Variants in MITF observed in about 807,000 individuals in gnomAD.
MITF encodes melanocyte inducing transcription factor.
MITF carries 17 observed loss-of-function variants against 60.5 expected under a neutral mutation model. That is an observed-to-expected ratio of 0.28 (90% confidence interval 0.19 to 0.42). The LOEUF is 0.42. Ranked by LOEUF, MITF falls within the 10% of genes least tolerant of loss-of-function variation. MITF has a pLI of 1.00. For synonymous variants in MITF, 260 were observed against 248.5 expected (o/e 1.05, Z -0.43); for missense variants, 622 against 683.5 (o/e 0.91, Z 1.00).
chr3:69,813,982 G>C (rs2063141465), intron 1 of MITF, among the ~76,000 whole-genome samples: 1 of 152,134 alleles, frequency 6.6e-6, no homozygotes, highest in Non-Finnish European at 1.5e-5. Flanking sequence ...GTTCATCATT[G>C]TTTCATATGC....
chr3:69,930,936 A>G (rs773236184), intron 2 of MITF, among the ~76,000 whole-genome samples: 1 of 152,250 alleles, frequency 6.6e-6, no homozygotes, highest in Non-Finnish European at 1.5e-5. Context: ...AAGAAGTTAA[A>G]ACAATCAAAA....
intron 1 of MITF, among the ~76,000 whole-genome samples, chr3:69,801,975 G>C (rs747010503): frequency 6.6e-6 from 1 of 151,852 alleles, no homozygotes; most frequent in Non-Finnish European, 1.5e-5. Context: ...AATAAACATG[G>C]GTCTTATTAT....
chr3:69,889,611 C>T (rs1244773729), intron 2 of MITF, among the ~76,000 whole-genome samples: 3 of 151,510 alleles, frequency 2.0e-5, no homozygotes, highest in Admixed American at 2.0e-4. Context: ...ACATTTTTTC[C>T]TAAGTCTTTG....
intron 1 of MITF, among the ~76,000 whole-genome samples, chr3:69,742,739 C>T (rs769070037): frequency 1.3e-5 from 2 of 152,144 alleles, no homozygotes; most frequent in South Asian, 2.1e-4. Context: ...GTGCCTGGCA[C>T]GTAGTAAGTG....
At chr3:69,829,579 T>G (rs113122908) in intron 1 of MITF, among the ~76,000 whole-genome samples, 1,907 of 152,200 alleles carry the variant, frequency 0.013, 40 homozygotes, top group African/African-American at 0.043. Context: ...CACATAAAAT[T>G]CAGCAGTAAA....
At chr3:69,751,769 A>G (rs1237390500) in intron 1 of MITF, among the ~76,000 whole-genome samples, 1 of 152,008 alleles carries the variant, frequency 6.6e-6, no homozygotes, top group Non-Finnish European at 1.5e-5. Flanking sequence ...AGAGGCTGAT[A>G]TGGTTTGGAT....
intron 6 of MITF, among the ~76,000 whole-genome samples, chr3:69,950,756 G>T (rs889988513): frequency 1.3e-5 from 2 of 151,752 alleles, no homozygotes; most frequent in African/African-American, 4.8e-5. Flanking sequence ...AAATAACAGA[G>T]CTTTCTGGAT....
chr3:69,884,731 AGTAAGT>A (rs1369726814), intron 2 of MITF, among the ~76,000 whole-genome samples: 2 of 152,212 alleles, frequency 1.3e-5, no homozygotes, highest in Non-Finnish European at 2.9e-5. Flanking sequence ...CAAGAATCAC[AGTAAGT>A]GCTTTTGGAT....
intron 1 of MITF, among the ~76,000 whole-genome samples, chr3:69,779,969 G>T (rs1324904185): frequency 2.0e-5 from 3 of 152,116 alleles, no homozygotes; most frequent in Non-Finnish European, 2.9e-5. Flanking sequence ...GGAGGCTCTT[G>T]CAATAATCTG....
chr3:69,881,465 A>G (rs2064485828), intron 2 of MITF, among the ~76,000 whole-genome samples: 1 of 152,086 alleles, frequency 6.6e-6, no homozygotes, highest in Non-Finnish European at 1.5e-5. Flanking sequence ...AGAATACACG[A>G]TTTTATTAAG....
chr3:69,758,261 C>T (rs1225347872), intron 1 of MITF, among the ~76,000 whole-genome samples: 7 of 151,890 alleles, frequency 4.6e-5, no homozygotes, highest in African/African-American at 1.2e-4. Context: ...CCTCAAACTC[C>T]TGGGCTCAAG....
In MITF at chr3:69,847,758, T is replaced by G. The variant is rs377100146; in HGVS notation, c.105-31376T>G. 2.0e-5 allele frequency among the ~76,000 whole-genome samples: 3 copies of G among 152,384 alleles called. No individual in the cohort carries two copies. In the East Asian group the frequency reaches 5.8e-4, roughly 29 times the overall value. Reference sequence around the variant, plus strand: ...CCGTAACTCACACTTCTCTGGCTTTTTTGTGGACTCCTCCAAGACTTTGCC... The same window carrying G: ...CCGTAACTCACACTTCTCTGGCTTTGTTGTGGACTCCTCCAAGACTTTGCC... On this transcript the variant is annotated intron_variant, in intron 1 of 9. Coordinates refer to ENST00000352241, the MANE Select transcript of MITF (RefSeq NM_001354604.2).
At chr3:69,784,712 T>G (rs1287181687) in intron 1 of MITF, among the ~76,000 whole-genome samples, 1 of 152,160 alleles carries the variant, frequency 6.6e-6, no homozygotes, top group Admixed American at 6.5e-5. Context: ...TTATTAGAGA[T>G]TGGAACTTTT....
chr3:69,774,831 T>C (rs997572843), intron 1 of MITF, among the ~76,000 whole-genome samples: 2 of 152,108 alleles, frequency 1.3e-5, no homozygotes, highest in East Asian at 3.9e-4. Context: ...TGTCCTGTGG[T>C]AATGCTTAGG....
intron 2 of MITF, among the ~76,000 whole-genome samples, chr3:69,903,649 A>AT (rs1226030962): frequency 6.6e-5 from 10 of 152,262 alleles, no homozygotes; most frequent in African/African-American, 2.4e-4. Flanking sequence ...TTTAAAAAAA[A>AT]ATATCAGCAA....
chr3:69,764,011 C>T, intron 1 of MITF: 1 of 1,173,864 alleles, frequency 8.5e-7, no homozygotes, highest in Non-Finnish European at 1.1e-6. Context: ...TAAGGGATGT[C>T]AATCTTTATA....
intron 2 of MITF, among the ~76,000 whole-genome samples, chr3:69,918,826 A>T (rs2065396809): frequency 6.6e-6 from 1 of 152,204 alleles, no homozygotes; most frequent in African/African-American, 2.4e-5. Flanking sequence ...CTGAAGGGAG[A>T]GGGTGAGAAT....
Position 69,937,897 on chromosome 3 carries a change from T to G in MITF, c.430T>G (p.Ser144Ala). 1 of 1,614,152 alleles carries G rather than the reference T, an allele frequency of 6.2e-7. No individual in the cohort carries two copies. The highest frequency in any genetic ancestry group is 1.6e-4 in the Middle Eastern group (1 of 6,062). ...ACGGCAGCAGGTAAAGCAGTACCTT[T>G]CTACCACTTTAGCAAATAAACATGC... ...AQRQQVKQYL[S>A]TTLANKHANQ... Residue 144 changes from serine (S) to alanine (A), a missense_variant, in exon 3 of 10, where the codon TCT (serine) becomes GCT (alanine). This residue lies in a region of MITF where 215 missense variants were observed against 224.8 expected (regional missense o/e 0.96). Coordinates refer to ENST00000352241, the MANE Select transcript of MITF (RefSeq NM_001354604.2).
At chr3:69,825,316 T>G (rs558764953) in intron 1 of MITF, among the ~76,000 whole-genome samples, 1 of 152,270 alleles carries the variant, frequency 6.6e-6, no homozygotes, top group South Asian at 2.1e-4. Flanking sequence ...ACTCTTCTGG[T>G]TGAATAAACC....
Sources: gnomAD v4.1 joint callset for allele counts (sites outside exome capture counted in the v4.1 genomes callset) on GRCh38, gnomAD v4.1.1 for gene constraint, gnomAD v4.1.1 regional missense constraint, MANE v1.5 for transcripts, NCBI Gene and HGNC (gene_info 2026-07-23, HGNC 2026-07-21) for gene names.